The following ADK variants were observed in gnomAD, a reference collection of about 807,000 sequenced individuals.
ADK encodes the protein N6,N6-dimethyladenosine kinase.
ADK carries 24 observed loss-of-function variants against 44.7 expected under a neutral mutation model. The observed-to-expected ratio is 0.54, with a 90% CI of 0.39 to 0.76. The LOEUF (loss-of-function observed/expected upper bound fraction) is 0.76, where lower values mean the gene tolerates loss of function less well. Ranked by LOEUF, ADK falls within the 30% of genes least tolerant of loss-of-function variation. The pLI is 0.00. For missense variants in ADK, 321 were observed against 425.1 expected, an observed-to-expected ratio of 0.76 and a Z score of 2.15; for synonymous variants, 128 against 142.6, an observed-to-expected ratio of 0.90 and a Z score of 0.73.
chr10:74,245,913 G>A (rs1030976148), intron 3 of ADK, among the ~76,000 whole-genome samples: 1 of 151,942 alleles, frequency 6.6e-6, no homozygotes, highest in Non-Finnish European at 1.5e-5. Flanking sequence ...TTTATCTTAT[G>A]CTTTTCTGAA....
At chr10:74,483,943 C>T (rs998196196) in intron 6 of ADK, among the ~76,000 whole-genome samples, 5 of 152,280 alleles carry the variant, frequency 3.3e-5, no homozygotes, top group Admixed American at 6.5e-5. Flanking sequence ...CAAACTTACC[C>T]GTATCTTACT....
chr10:74,542,156 G>A (rs563781462), intron 7 of ADK, among the ~76,000 whole-genome samples: 12 of 152,184 alleles, frequency 7.9e-5, no homozygotes, highest in African/African-American at 2.6e-4. Flanking sequence ...TAAGAGGATC[G>A]CTTGAGCCCA....
chr10:74,172,137 C>CTTTT (rs3998223), intron 1 of ADK, among the ~76,000 whole-genome samples: 1 of 122,686 alleles, frequency 8.2e-6, no homozygotes, highest in Non-Finnish European at 1.7e-5. Flanking sequence ...CATGGATTTT[C>CTTTT]TTTTTTTTTT....
At chr10:74,627,679 G>A (rs1452295879) in intron 9 of ADK, among the ~76,000 whole-genome samples, 5 of 151,968 alleles carry the variant, frequency 3.3e-5, no homozygotes, top group Non-Finnish European at 7.4e-5. Context: ...CACCCAGGCT[G>A]GAGTGTGCAG....
At chr10:74,610,213 A>C (rs772977220) in intron 9 of ADK, among the ~76,000 whole-genome samples, 2 of 152,224 alleles carry the variant, frequency 1.3e-5, no homozygotes, top group Non-Finnish European at 2.9e-5. Context: ...TGATATATAC[A>C]TACAAAGGAA....
At chr10:74,527,625 A>G (rs767553751) in intron 7 of ADK, 2 of 794,652 alleles carry the variant, frequency 2.5e-6, no homozygotes, top group Admixed American at 1.7e-5. Flanking sequence ...GAGCAGCTTC[A>G]GGAATCTTAT....
chr10:74,240,372 T>TTTTGTGTGTG (rs150993746), intron 3 of ADK, among the ~76,000 whole-genome samples: 2 of 147,140 alleles, frequency 1.4e-5, no homozygotes, highest in South Asian at 4.4e-4. Flanking sequence ...TCCTTTTATT[T>TTTTGTGTGTG]TGTGTGTGTG....
At chr10:74,495,691 G>A (rs1032775691) in intron 6 of ADK, among the ~76,000 whole-genome samples, 12 of 152,112 alleles carry the variant, frequency 7.9e-5, no homozygotes, top group African/African-American at 2.9e-4. Context: ...TGAGTCTGAA[G>A]CCTTTCCAGT....
chr10:74,292,782 C>A (rs1839667126), intron 3 of ADK, among the ~76,000 whole-genome samples: 1 of 152,090 alleles, frequency 6.6e-6, no homozygotes, highest in Non-Finnish European at 1.5e-5. Flanking sequence ...TCGCTAAAGT[C>A]ATCTGTACCC....
At chr10:74,352,897 TAA>T (rs1198690150) in intron 4 of ADK, among the ~76,000 whole-genome samples, 1 of 152,090 alleles carries the variant, frequency 6.6e-6, no homozygotes, top group African/African-American at 2.4e-5. Flanking sequence ...TGGCGATCAT[TAA>T]AAAGTCAGGA....
chr10:74,406,767 G>A (rs889345220), intron 6 of ADK, among the ~76,000 whole-genome samples: 12 of 151,098 alleles, frequency 7.9e-5, no homozygotes, highest in East Asian at 3.9e-4. Flanking sequence ...TGCAACCCCC[G>A]CCTCCTGGGT....
chr10:74,447,728 C>G (rs1845634138), intron 6 of ADK, among the ~76,000 whole-genome samples: 1 of 151,990 alleles, frequency 6.6e-6, no homozygotes, highest in Non-Finnish European at 1.5e-5. Flanking sequence ...GCACTTACCT[C>G]AAAAAATGAT....
At chr10:74,225,746 A>T (rs1254585386) in intron 3 of ADK, among the ~76,000 whole-genome samples, 1 of 152,166 alleles carries the variant, frequency 6.6e-6, no homozygotes, top group Non-Finnish European at 1.5e-5. Flanking sequence ...ATTTGAGTAT[A>T]ATCTCCATAG....
intron 10 of ADK, among the ~76,000 whole-genome samples, chr10:74,704,489 G>A (rs1198282098): frequency 6.6e-6 from 1 of 152,084 alleles, no homozygotes; most frequent in African/African-American, 2.4e-5. Flanking sequence ...ACTTTTTGAA[G>A]ATTCCACTTA....
chr10:74,180,232 ATTG>A (rs35913987), intron 1 of ADK, among the ~76,000 whole-genome samples: 65,570 of 141,694 alleles, frequency 0.46, 16,245 homozygotes, highest in Non-Finnish European at 0.58. Context: ...TATTATTATT[ATTG>A]TTATTATTAA....
intron 6 of ADK, among the ~76,000 whole-genome samples, chr10:74,501,256 T>C (rs1847875463): frequency 6.6e-6 from 1 of 152,206 alleles, no homozygotes; most frequent in Non-Finnish European, 1.5e-5. Flanking sequence ...CACTTTATGA[T>C]AAAATATGGC....
intron 10 of ADK, among the ~76,000 whole-genome samples, chr10:74,677,509 G>A (rs1556820): frequency 0.24 from 36,610 of 151,992 alleles, 5,630 homozygotes; most frequent in East Asian, 0.69. Flanking sequence ...TAGAAGTGGT[G>A]CAGAATTCTT....
intron 3 of ADK, among the ~76,000 whole-genome samples, chr10:74,280,718 A>G (rs1271896106): frequency 6.6e-6 from 1 of 152,138 alleles, no homozygotes; most frequent in Non-Finnish European, 1.5e-5. Flanking sequence ...TGAGTTGATC[A>G]CTGCACCTCA....
intron 6 of ADK, among the ~76,000 whole-genome samples, chr10:74,505,226 A>T (rs1240505856): frequency 6.6e-6 from 1 of 152,122 alleles, no homozygotes; most frequent in Non-Finnish European, 1.5e-5. Context: ...TCTATATGGC[A>T]CCTATCCTTC....
Sources: gnomAD v4.1 joint callset for allele counts (sites outside exome capture counted in the v4.1 genomes callset) on GRCh38, gnomAD v4.1.1 for gene constraint, MANE v1.5 for transcripts, NCBI Gene and HGNC (gene_info 2026-07-23, HGNC 2026-07-21) for gene names.